Variants in GRIP1 observed in about 807,000 individuals in gnomAD.
GRIP1 encodes glutamate receptor-interacting protein 1.
In GRIP1, 45 loss-of-function variants were observed where a neutral mutation model predicts 129.9. That is an observed-to-expected ratio of 0.35 (90% CI 0.27 to 0.44). GRIP1 has a LOEUF of 0.44. Ranked by LOEUF, GRIP1 falls within the 20% of genes least tolerant of loss-of-function variation. The probability of loss-of-function intolerance (pLI) is 1.00; values close to 1 mark genes in which losing one functional copy is unlikely to be tolerated. For missense variants in GRIP1, 1,196 were observed against 1,396.8 expected (o/e 0.86, Z 2.29); for synonymous variants, 530 against 520.8 (o/e 1.02, Z -0.24).
At chr12:66,826,390 G>A (rs2039413887) in intron 1 of GRIP1, among the ~76,000 whole-genome samples, 2 of 151,984 alleles carry the variant, frequency 1.3e-5, no homozygotes, top group African/African-American at 2.4e-5. Flanking sequence ...ACCATGGCAC[G>A]TGTATATCTA....
At chr12:66,864,606 C>T (rs1350091669) in intron 1 of GRIP1, among the ~76,000 whole-genome samples, 1 of 151,672 alleles carries the variant, frequency 6.6e-6, no homozygotes, top group Non-Finnish European at 1.5e-5. Flanking sequence ...TGGTCCCAGA[C>T]ACTTGGGAGG....
chr12:66,676,488 T>C (rs1437343305), intron 1 of GRIP1, among the ~76,000 whole-genome samples: 2 of 152,192 alleles, frequency 1.3e-5, no homozygotes, highest in East Asian at 1.9e-4. Context: ...AATAAAGCTC[T>C]TGAAGCATTT....
rs181802295 is a variant in GRIP1 at position 66,938,360 on chromosome 12, C to T, written c.58+130690G>A. On this transcript the variant is annotated intron_variant, in intron 1 of 1. Transcript: ENST00000643019. ...ACGGCATTCCAGCCTGGTGACAGAA[C>T]GAGACTCCGTTTCAATAATAATAAT... 6.4e-4 allele frequency among the ~76,000 whole-genome samples: 97 copies of T among 152,084 alleles called. 1 individual carries two copies. The South Asian group carries it at 0.016, about 24-fold the overall frequency.
intron 1 of GRIP1, among the ~76,000 whole-genome samples, chr12:66,646,421 C>A (rs1159150285): frequency 6.6e-6 from 1 of 152,048 alleles, no homozygotes; most frequent in African/African-American, 2.4e-5. Context: ...GTCTGGAGTT[C>A]GAGACCAGCC....
chr12:66,609,760 C>G (rs919451729), intron 1 of GRIP1, among the ~76,000 whole-genome samples: 47 of 152,280 alleles, frequency 3.1e-4, no homozygotes, highest in East Asian at 7.7e-4. Flanking sequence ...GCATTATACT[C>G]AGGACTCTTC....
chr12:67,006,177 C>T, intron 1 of GRIP1, among the ~76,000 whole-genome samples: 1 of 152,040 alleles, frequency 6.6e-6, no homozygotes, highest in Admixed American at 6.6e-5. Context: ...AGAAACAAGT[C>T]AGAAAAAAAT....
Position 66,949,617 on chromosome 12 carries a change from C to G in GRIP1, c.58+119433G>C, listed in dbSNP as rs541706508. 2.6e-5 allele frequency among the ~76,000 whole-genome samples: 4 copies of G among 152,136 alleles called. No individual in the cohort carries two copies. The East Asian group carries it at 7.7e-4, about 29-fold the overall frequency. Reference sequence around the variant, plus strand: ...TTAAACTGTCTTGATGACAAATTGTCTTATTTTAAAAAGTAGACACAAAAG... The same window carrying G: ...TTAAACTGTCTTGATGACAAATTGTGTTATTTTAAAAAGTAGACACAAAAG... On this transcript the variant is annotated intron_variant, in intron 1 of 1. Coordinates refer to the GRIP1 transcript ENST00000643019.
At chr12:66,739,312 G>A (rs774708276) in intron 1 of GRIP1, among the ~76,000 whole-genome samples, 4 of 152,114 alleles carry the variant, frequency 2.6e-5, no homozygotes, top group Non-Finnish European at 5.9e-5. Context: ...CTGAGGCTTA[G>A]AAGGCCAAAG....
chr12:66,614,103 T>C (rs1021872099), intron 1 of GRIP1, among the ~76,000 whole-genome samples: 1 of 152,106 alleles, frequency 6.6e-6, no homozygotes, highest in Admixed American at 6.6e-5. Context: ...CTTTCTCCTC[T>C]TCCTTTTTCA....
intron 1 of GRIP1, among the ~76,000 whole-genome samples, chr12:66,700,318 C>T (rs2035305727): frequency 6.6e-6 from 1 of 151,804 alleles, no homozygotes; most frequent in Admixed American, 6.6e-5. Context: ...CTGGGAGTGG[C>T]AAAGCATGAG....
upstream of GRIP1, among the ~76,000 whole-genome samples, chr12:66,804,732 C>T (rs1224135759): frequency 6.6e-6 from 1 of 152,148 alleles, no homozygotes; most frequent in Non-Finnish European, 1.5e-5. Flanking sequence ...TAATCCTAGC[C>T]CACATTATCT....
At chr12:66,374,116 T>A (rs1290270844) in intron 22 of GRIP1, among the ~76,000 whole-genome samples, 1 of 152,234 alleles carries the variant, frequency 6.6e-6, no homozygotes, top group Non-Finnish European at 1.5e-5. Flanking sequence ...GAAACCTTTC[T>A]TTACTGGCTT....
intron 5 of GRIP1, among the ~76,000 whole-genome samples, chr12:66,521,539 A>C (rs2061002445): frequency 6.6e-6 from 1 of 152,230 alleles, no homozygotes; most frequent in South Asian, 2.1e-4. Flanking sequence ...AAGTGGCCAA[A>C]TAGGAACAGC....
At chr12:66,886,306 T>C (rs1047006961) in intron 1 of GRIP1, among the ~76,000 whole-genome samples, 2 of 151,958 alleles carry the variant, frequency 1.3e-5, no homozygotes, top group African/African-American at 4.8e-5. Context: ...TCCTATATAA[T>C]TGAGGCTTTT....
At chr12:66,756,620 A>G (rs1010636697) in intron 1 of GRIP1, among the ~76,000 whole-genome samples, 4 of 152,182 alleles carry the variant, frequency 2.6e-5, no homozygotes, top group Non-Finnish European at 5.9e-5. Context: ...GTGATAATGA[A>G]GGTGGTAGTG....
chr12:66,962,603 G>A (rs2041938117), intron 1 of GRIP1, among the ~76,000 whole-genome samples: 1 of 152,170 alleles, frequency 6.6e-6, no homozygotes, highest in Non-Finnish European at 1.5e-5. Flanking sequence ...GAAGACGACA[G>A]ATAAAAAACT....
At chr12:66,756,051 A>T (rs1405344237) in intron 1 of GRIP1, among the ~76,000 whole-genome samples, 6 of 152,152 alleles carry the variant, frequency 3.9e-5, no homozygotes, top group Admixed American at 6.5e-5. Flanking sequence ...AAAAGCACAT[A>T]AATGTTACCA....
intron 1 of GRIP1, among the ~76,000 whole-genome samples, chr12:66,960,596 T>G (rs1241107283): frequency 6.6e-6 from 1 of 152,142 alleles, no homozygotes; most frequent in Admixed American, 6.6e-5. Flanking sequence ...TCAAAGATTG[T>G]GGATGGGATT....
At chr12:66,824,123 G>A (rs1392714012) in intron 1 of GRIP1, among the ~76,000 whole-genome samples, 1 of 152,172 alleles carries the variant, frequency 6.6e-6, no homozygotes, top group East Asian at 1.9e-4. Flanking sequence ...GGCAGAGGTA[G>A]CCTGAGTCTG....
Sources: allele counts gnomAD v4.1 joint callset (sites outside exome capture counted in the v4.1 genomes callset), GRCh38; gene constraint gnomAD v4.1.1; transcripts MANE v1.5; gene names NCBI Gene and HGNC (gene_info 2026-07-23, HGNC 2026-07-21).